The following NPAS1 variants were observed in gnomAD, a reference collection of about 807,000 sequenced individuals.
NPAS1 encodes neuronal PAS domain-containing protein 1.
Under a neutral mutation model 49.2 loss-of-function variants are expected in NPAS1, and 29 were observed. The ratio of observed to expected loss-of-function variants is 0.59; its 90% CI spans 0.44 to 0.80. The LOEUF (loss-of-function observed/expected upper bound fraction) is 0.80. NPAS1 is among the 30% of genes least tolerant of loss of function. The probability of loss-of-function intolerance (pLI) is 0.00; values close to 1 mark genes in which losing one functional copy is unlikely to be tolerated. For synonymous variants in NPAS1, 408 were observed against 380.4 expected (o/e 1.07, Z -0.84); for missense variants, 825 against 835.5 (o/e 0.99, Z 0.15).
rs1180512610 is a variant in NPAS1, at chr19:47,032,710, C to A, written c.500C>A (p.Ser167Tyr). ...GKFLYISETVSIYLGLSQVEM... is the reference protein window; with the variant it reads ...GKFLYISETVYIYLGLSQVEM... ...TTCCTCTACATCTCAGAGACAGTCT[C>A]CATCTATCTGGGTCTCTCACAGGTA... is the stretch of plus-strand genomic sequence containing the variant. The change falls in exon 5 of 12, where the codon TCC becomes TAC. Residue 167 changes from serine (S) to tyrosine (Y), a missense_variant. Coordinates refer to ENST00000602212, the MANE Select transcript of NPAS1 (RefSeq NM_002517.4). The A allele has an allele frequency of 1.2e-6, 2 of 1,614,028 alleles. No individual in the cohort carries two copies. The highest frequency in any genetic ancestry group is 2.2e-5 in the South Asian group (2 of 91,084).
chr19:47,041,956 G>A (rs1321749271), intron 10 of NPAS1, among the ~76,000 whole-genome samples: 2 of 145,540 alleles, frequency 1.4e-5, no homozygotes, highest in Non-Finnish European at 3.0e-5. Context: ...CTCCAGCCTG[G>A]GCGACAGAGT....
Position 47,039,668 on chromosome 19 carries a change from G to C in NPAS1, c.962+104G>C, listed in dbSNP as rs935743984. ...GCTGGGTCTGCAGGATAGGGCACTG[G>C]GGAGCCATGGGAGGCGGAACAGCAA... On this transcript the variant is annotated intron_variant, in intron 8 of 11. Coordinates refer to ENST00000602212, the MANE Select transcript of NPAS1 (RefSeq NM_002517.4). The C allele has an allele frequency of 3.2e-6, 4 of 1,237,310 alleles. No homozygotes were observed. In the Admixed American group the frequency reaches 7.7e-5, roughly 24 times the overall value. 76.6% of individuals were successfully genotyped at this position (1,237,310 alleles called of 1,614,324 possible).
At chr19:47,024,379 G>T (rs186902897) in intron 3 of NPAS1, among the ~76,000 whole-genome samples, 1 of 152,072 alleles carries the variant, frequency 6.6e-6, no homozygotes, top group Non-Finnish European at 1.5e-5. Flanking sequence ...GGCCGGGTGC[G>T]GTGGCTCACG....
chr19:47,031,657 A>G (rs1285061320), intron 3 of NPAS1, among the ~76,000 whole-genome samples: 1 of 150,358 alleles, frequency 6.7e-6, no homozygotes, highest in Non-Finnish European at 1.5e-5. Context: ...CAACCTCCCG[A>G]GTAGCCAGGA....
At chr19:47,037,453 GGTTAA>G (rs1218618832) in intron 6 of NPAS1, among the ~76,000 whole-genome samples, 6 of 151,884 alleles carry the variant, frequency 4.0e-5, no homozygotes, top group South Asian at 2.1e-4. Context: ...GGCGCGGAGA[GGTTAA>G]GTTAATTGCC....
chr19:47,022,540 C>A (rs373405603), intron 3 of NPAS1, among the ~76,000 whole-genome samples: 1 of 151,654 alleles, frequency 6.6e-6, no homozygotes, highest in Non-Finnish European at 1.5e-5. Flanking sequence ...AGCAAGCCAC[C>A]GCTATGCGGC....
Position 47,040,581 on chromosome 19 carries a change from C to G in NPAS1, c.1069+31C>G, listed in dbSNP as rs368834326. ...ACCCACCTCCACCCACCAAGCCTGCCTACCACCCCCCAGACCCGAGCATCC... is the reference window on the plus strand; with the variant it reads ...ACCCACCTCCACCCACCAAGCCTGCGTACCACCCCCCAGACCCGAGCATCC... On this transcript the variant is annotated intron_variant, in intron 9 of 11. Coordinates refer to ENST00000602212, the MANE Select transcript of NPAS1 (RefSeq NM_002517.4). The G allele has an allele frequency of 1.0e-5, 15 of 1,464,038 alleles. No individual in the cohort carries two copies. In the African/African-American group the frequency reaches 1.9e-4, roughly 19 times the overall value. 90.7% of individuals were successfully genotyped at this position (1,464,038 alleles called of 1,614,324 possible).
intron 4 of NPAS1, 131 bp downstream of exon 4, chr19:47,032,482 C>T (rs901950542): frequency 7.2e-6 from 8 of 1,112,990 alleles, no homozygotes; most frequent in Non-Finnish European, 1.1e-5. Flanking sequence ...GCTCAAGATC[C>T]CTCCACTCCC....
At chr19:47,030,636 CTTTTTTTTTTTTTTT>C (rs55931402) in intron 3 of NPAS1, among the ~76,000 whole-genome samples, 9 of 96,788 alleles carry the variant, frequency 9.3e-5, no homozygotes, top group Middle Eastern at 5.9e-3. Flanking sequence ...GGCCCTTTGC[CTTTTTTTTTTTTTTT>C]TTTTTTTTTT....
chr19:47,031,599 C>T (rs1437823151), intron 3 of NPAS1, among the ~76,000 whole-genome samples: 2 of 148,264 alleles, frequency 1.3e-5, no homozygotes, highest in Non-Finnish European at 1.5e-5. Flanking sequence ...GGCATGATCT[C>T]GGCTCACTGC....
At chr19:47,030,755 C>T (rs1211632544) in intron 3 of NPAS1, among the ~76,000 whole-genome samples, 2 of 147,424 alleles carry the variant, frequency 1.4e-5, no homozygotes, top group Admixed American at 6.9e-5. Flanking sequence ...TGGGTTCAAG[C>T]GATTTATCCT....
Position 47,021,006 on chromosome 19 carries a change from G to A in NPAS1, c.-42G>A, listed in dbSNP as rs2056836065. 2 of 1,561,984 alleles carry A rather than the reference G, an allele frequency of 1.3e-6. No homozygotes were observed. Among genetic ancestry groups the A allele is most frequent in the Admixed American group, 3.9e-5 (2 of 51,922 alleles). On this transcript the variant is annotated splice_region_variant and 5_prime_UTR_variant, in exon 2 of 12. Transcript: ENST00000602212. The surrounding 1 kb of genome is among the most constrained non-coding windows in gnomAD (Gnocchi z 5.7). ...TGCCCCTGGCCCCCTCCCGCTGCAG[G>A]AGACTCGGGGCTCGGAGCCCGCCTG...
At chr19:47,044,204 GCTGGGATTACAGGCAC>G (rs2057050989) in intron 11 of NPAS1, among the ~76,000 whole-genome samples, 1 of 152,174 alleles carries the variant, frequency 6.6e-6, no homozygotes, top group Admixed American at 6.5e-5. Flanking sequence ...CTCCCAAGTA[GCTGGGATTACAGGCAC>G]CTACCACCAT....
Position 47,021,463 on chromosome 19 carries a change from C to G in NPAS1, c.123-149C>G, listed in dbSNP as rs1246291705. ...CCTGGGTCGGAGTGTAAAATCCACACTCCGGTCTGCTCCCACCTCCAGAGA... is the reference window on the plus strand; with the variant it reads ...CCTGGGTCGGAGTGTAAAATCCACAGTCCGGTCTGCTCCCACCTCCAGAGA... On this transcript the variant is annotated intron_variant, in intron 2 of 11. Coordinates refer to ENST00000602212, the MANE Select transcript of NPAS1 (RefSeq NM_002517.4). This position sits in a 1 kb window ranked among gnomAD's most constrained non-coding sequence, Gnocchi z 5.7. 1.7e-6 allele frequency: 1 copy of G among 584,570 alleles called. No individual in the cohort carries two copies. The highest frequency in any genetic ancestry group is 2.9e-6 in the Non-Finnish European group (1 of 346,910). The allele number at this position is 584,570 out of a possible 1,614,324, so 36.2% of individuals were successfully genotyped here.
intron 5 of NPAS1, among the ~76,000 whole-genome samples, chr19:47,034,383 C>T (rs1005036124): frequency 7.9e-5 from 12 of 151,298 alleles, no homozygotes; most frequent in Non-Finnish European, 1.5e-5. Context: ...TGGCATCTCA[C>T]AGCACCTTAA....
At chr19:47,027,143 C>A (rs774862797) in intron 3 of NPAS1, among the ~76,000 whole-genome samples, 3 of 152,158 alleles carry the variant, frequency 2.0e-5, no homozygotes, top group Non-Finnish European at 4.4e-5. Context: ...CTCAGGCCTG[C>A]GGCGCTTTGA....
chr19:47,038,433 C>T (rs1048082954), intron 6 of NPAS1, among the ~76,000 whole-genome samples: 2 of 128,734 alleles, frequency 1.6e-5, no homozygotes, highest in Admixed American at 8.6e-5. Context: ...AGGAGAATCA[C>T]TTGAACTGGG....
At chr19:47,039,845 TTCATTTC>T (rs1270156073) in intron 8 of NPAS1, among the ~76,000 whole-genome samples, 16 of 152,202 alleles carry the variant, frequency 1.1e-4, no homozygotes, top group African/African-American at 3.6e-4. Flanking sequence ...TCTCTGGTCT[TTCATTTC>T]TCATTTCTCT....
In NPAS1 at chr19:47,019,890, C is replaced by A. The variant is rs1354527062; in HGVS notation, c.-150C>A. The stretch of plus-strand genomic sequence containing the variant: ...CACAGCCCGCGCGTCCCGCTGCGCC[C>A]CGCGCGCCCCGGGGTCTATGGAGCT... On this transcript the variant is annotated 5_prime_UTR_variant, in exon 1 of 12. Coordinates refer to ENST00000602212, the MANE Select transcript of NPAS1 (RefSeq NM_002517.4). 1 of 361,576 alleles carries A rather than the reference C, an allele frequency of 2.8e-6. No homozygotes were observed. Among genetic ancestry groups the A allele is most frequent in the Non-Finnish European group, 4.9e-6 (1 of 202,276 alleles). 22.4% of individuals were successfully genotyped at this position (361,576 alleles called of 1,614,324 possible).
Sources: allele counts gnomAD v4.1 joint callset (sites outside exome capture counted in the v4.1 genomes callset), GRCh38; gene constraint gnomAD v4.1.1; non-coding constraint Gnocchi (gnomAD v3.1); transcripts MANE v1.5; gene names NCBI Gene and HGNC (gene_info 2026-07-23, HGNC 2026-07-21).